UBE3C: variants seen among roughly 807,000 people sequenced by gnomAD.
UBE3C encodes the protein ubiquitin protein ligase E3C, also known as ubiquitin-protein ligase E3C.
Under a neutral mutation model 129.4 loss-of-function variants are expected in UBE3C, and 42 were observed. That is an observed-to-expected ratio of 0.32 (90% CI 0.25 to 0.42). The LOEUF is 0.42. Among genes scored for constraint, UBE3C ranks in the 10% least tolerant of loss-of-function variants. The probability of loss-of-function intolerance (pLI) is 1.00; values close to 1 mark genes in which losing one functional copy is unlikely to be tolerated. For synonymous variants in UBE3C, 510 were observed against 492.4 expected, an observed-to-expected ratio of 1.04 and a Z score of -0.47; for missense variants, 1,049 against 1,319.1, an observed-to-expected ratio of 0.80 and a Z score of 3.17.
intron 2 of UBE3C, chr7:157,164,272 C>A: frequency 4.5e-6 from 2 of 448,368 alleles, no homozygotes; most frequent in East Asian, 1.4e-4. Context: ...GATCTTCCTG[C>A]TCTAGCCTCC....
intron 9 of UBE3C, among the ~76,000 whole-genome samples, chr7:157,185,100 C>T (rs3802120): frequency 0.48 from 72,347 of 152,176 alleles, 19,788 homozygotes; most frequent in African/African-American, 0.76. Flanking sequence ...ATTAAATAGT[C>T]ACCTCCCATA....
At chr7:157,176,562 A>G (rs1808523694) in intron 5 of UBE3C, among the ~76,000 whole-genome samples, 1 of 152,264 alleles carries the variant, frequency 6.6e-6, no homozygotes, top group African/African-American at 2.4e-5. Flanking sequence ...GGCGTGAGCC[A>G]CCGTGCCCAG....
Position 157,178,722 on chromosome 7 carries a change from A to C in UBE3C, c.491A>C (p.Asn164Thr). 1 of 1,614,184 alleles carries C rather than the reference A, an allele frequency of 6.2e-7. No homozygotes were observed. The highest frequency in any genetic ancestry group is 8.5e-7 in the Non-Finnish European group (1 of 1,180,016). Residue 164 changes from asparagine to threonine, a missense_variant, in exon 6 of 23, where the codon AAT (asparagine) becomes ACT (threonine). Transcript: ENST00000348165. ...LLQNCNDDSL[N>T]VALPMRMLEV... ...CAAAACTGTAATGATGACAGTTTGA[A>C]TGTTGCACTTCCAATGAGAATGCTT...
At chr7:157,230,936 A>G in intron 17 of UBE3C, 144 bp from the exon 18 acceptor site, 4 of 1,227,222 alleles carry the variant, frequency 3.3e-6, no homozygotes, top group South Asian at 1.5e-5. Flanking sequence ...AAAAATAATG[A>G]TAATATCATT....
At chr7:157,195,146 TAA>T (rs1404745452) in intron 10 of UBE3C, among the ~76,000 whole-genome samples, 1 of 152,114 alleles carries the variant, frequency 6.6e-6, no homozygotes, top group Non-Finnish European at 1.5e-5. Context: ...TTGAGGAGAT[TAA>T]GAGTGTGAAT....
chr7:157,263,751 A>AT (rs200761950), intron 22 of UBE3C, among the ~76,000 whole-genome samples: 2,746 of 124,830 alleles, frequency 0.022, 66 homozygotes, highest in African/African-American at 0.062. Context: ...TTTATATTGG[A>AT]TTTTTTTTTT....
chr7:157,268,784 G>A lies in UBE3C; in HGVS notation c.*1029G>A, dbSNP rs537864340. On this transcript the variant is annotated 3_prime_UTR_variant, in exon 23 of 23. Transcript: ENST00000348165. The stretch of plus-strand genomic sequence containing the variant: ...TGCACATCCAGGGAAGAGGAGTGTC[G>A]GTAGTTCTTGCAGTAGGCACTTTAT... 10 of 152,788 alleles carry A rather than the reference G, an allele frequency of 6.5e-5. No homozygotes were observed. The highest frequency in any genetic ancestry group is 5.8e-4 in the East Asian group (3 of 5,194). The allele number at this position is 152,788 out of a possible 1,614,324, so 9.5% of individuals were successfully genotyped here. A position where few individuals can be genotyped will look rare whatever the true frequency, so the allele number is the denominator to read the frequency against.
chr7:157,205,019 T>A (rs1199893023), intron 11 of UBE3C, among the ~76,000 whole-genome samples: 1 of 152,244 alleles, frequency 6.6e-6, no homozygotes, highest in Non-Finnish European at 1.5e-5. Context: ...GGTCAGTAAT[T>A]CACCTAGCTC....
intron 4 of UBE3C, among the ~76,000 whole-genome samples, chr7:157,174,592 A>G (rs905567308): frequency 2.6e-5 from 4 of 152,046 alleles, no homozygotes; most frequent in African/African-American, 2.4e-5. Context: ...AGCTGGGACT[A>G]CCGATGTGTG....
intron 22 of UBE3C, among the ~76,000 whole-genome samples, chr7:157,266,820 G>T (rs138404997): frequency 6.6e-6 from 1 of 151,788 alleles, no homozygotes; most frequent in East Asian, 1.9e-4. Context: ...CACTAACCTC[G>T]ACCTCCTGGG....
At position 157,204,550 on chromosome 7, in the gene UBE3C, C is replaced by G. The variant is rs145229466; in HGVS notation, c.1418+2743C>G. ...GAGAAGCACTATTCTTCACCCCAGT[C>G]TAGCAGACCACATTTAAACAATCTC... On this transcript the variant is annotated intron_variant, in intron 11 of 22. Coordinates refer to ENST00000348165, the MANE Select transcript of UBE3C (RefSeq NM_014671.3). Among the ~76,000 whole-genome samples, 547 of 152,226 alleles carry G rather than the reference C, an allele frequency of 3.6e-3. 12 individuals are homozygous for G. The highest frequency in any genetic ancestry group is 5.4e-3 in the East Asian group (28 of 5,188).
chr7:157,220,556 T>C (rs984348600), intron 14 of UBE3C, 133 bp from the exon 15 acceptor site: 9 of 841,692 alleles, frequency 1.1e-5, no homozygotes, highest in Non-Finnish European at 1.6e-5. Flanking sequence ...AAAGGGGACA[T>C]GAAGGTATGA....
chr7:157,252,279 T>C (rs1406623974), intron 19 of UBE3C, among the ~76,000 whole-genome samples: 1 of 152,250 alleles, frequency 6.6e-6, no homozygotes, highest in East Asian at 1.9e-4. Flanking sequence ...TACCTGCCTC[T>C]AATCCATTTA....
At chr7:157,253,756 C>A (rs908230135) in intron 19 of UBE3C, among the ~76,000 whole-genome samples, 198 bp from the exon 20 acceptor site, 1 of 152,192 alleles carries the variant, frequency 6.6e-6, no homozygotes, top group Admixed American at 6.5e-5. Flanking sequence ...GAGTAAGGTG[C>A]TGGGCTTCGG....
At position 157,254,331 on chromosome 7, in the gene UBE3C, A is replaced by G. The variant is rs756411526; in HGVS notation, c.2950+21A>G. On this transcript the variant is annotated intron_variant, in intron 21 of 22. Coordinates refer to ENST00000348165, the MANE Select transcript of UBE3C (RefSeq NM_014671.3). ...TTCAGGTATGTTATCACTGCTAGTT[A>G]TTGTTTCTGAAAATGTTGCAGGTGG... is the stretch of plus-strand genomic sequence containing the variant. 8 of 1,412,120 alleles carry G rather than the reference A, an allele frequency of 5.7e-6. No individual in the cohort carries two copies. The African/African-American group carries it at 1.2e-4, about 21-fold the overall frequency. The allele number at this position is 1,412,120 out of a possible 1,614,324, so 87.5% of individuals were successfully genotyped here. A position where few individuals can be genotyped will look rare whatever the true frequency, so the allele number is the denominator to read the frequency against.
chr7:157,183,849 A>T, intron 8 of UBE3C, 29 bp from the exon 9 acceptor site: 1 of 1,586,026 alleles, frequency 6.3e-7, no homozygotes, highest in Non-Finnish European at 8.6e-7. Flanking sequence ...GTTTAACTAA[A>T]ATACGTTTTA....
chr7:157,198,443 G>T (rs755149574), intron 10 of UBE3C: 47 of 530,748 alleles, frequency 8.9e-5, no homozygotes, highest in Non-Finnish European at 1.6e-4. Context: ...AATCCTGTGC[G>T]CTCGGAGGCC....
At position 157,225,430 on chromosome 7, in the gene UBE3C, A is replaced by G; in HGVS notation, c.2124A>G (p.Ala708=). The G allele has an allele frequency of 6.2e-7, 1 of 1,605,684 alleles. No homozygotes were observed. The highest frequency in any genetic ancestry group is 8.5e-7 in the Non-Finnish European group (1 of 1,178,118). ...AGATCTTTCAGAGGTTGATTTATGC[A>G]GATAAGCAAGAAGTTCAAGGAGATG... The part of the protein sequence containing the change: ...RVKIFQRLIY[A]DKQEVQGDGP... Residue 708 remains alanine (A), a synonymous_variant, in exon 17 of 23, where the codon GCA becomes GCG. Transcript: ENST00000348165.
intron 1 of UBE3C, among the ~76,000 whole-genome samples, chr7:157,142,229 C>G (rs925329443): frequency 1.3e-5 from 2 of 152,206 alleles, no homozygotes; most frequent in African/African-American, 4.8e-5. Flanking sequence ...TGACCCTTTT[C>G]TCATGTCTTA....
Sources: allele counts gnomAD v4.1 joint callset (sites outside exome capture counted in the v4.1 genomes callset), GRCh38; gene constraint gnomAD v4.1.1; transcripts MANE v1.5; gene names NCBI Gene and HGNC (gene_info 2026-07-23, HGNC 2026-07-21).